UBA3: variants seen among roughly 807,000 people sequenced by gnomAD.
The protein encoded by UBA3 is ubiquitin like modifier activating enzyme 3, also known as NEDD8-activating enzyme E1 catalytic subunit.
Under a neutral mutation model 73.5 loss-of-function variants are expected in UBA3, and 26 were observed. That is an observed-to-expected ratio of 0.35 (90% CI 0.26 to 0.49). The LOEUF is 0.49. UBA3 is among the 20% of genes least tolerant of loss of function. The probability of loss-of-function intolerance (pLI) is 0.98; values close to 1 mark genes in which losing one functional copy is unlikely to be tolerated. For missense variants in UBA3, 495 were observed against 555.6 expected (o/e 0.89, Z 1.10); for synonymous variants, 217 against 191.2 (o/e 1.13, Z -1.11).
At chr3:69,068,475 G>C (rs2092092129) in intron 5 of UBA3, among the ~76,000 whole-genome samples, 1 of 143,002 alleles carries the variant, frequency 7.0e-6, no homozygotes, top group Non-Finnish European at 1.5e-5. Context: ...CAAATTTTGT[G>C]TCCCCTAAGA....
At chr3:69,061,284 C>T (rs1350489910) in intron 11 of UBA3, among the ~76,000 whole-genome samples, 1 of 152,248 alleles carries the variant, frequency 6.6e-6, no homozygotes, top group Non-Finnish European at 1.5e-5. Flanking sequence ...CAACCTCAGC[C>T]TCCTGGGTTC....
At chr3:69,075,287 G>GA (rs2092155677) in intron 4 of UBA3, 143 bp downstream of exon 4, 3 of 293,610 alleles carry the variant, frequency 1.0e-5, no homozygotes, top group Admixed American at 1.0e-4. Context: ...TTACTGTTTG[G>GA]AATTTGGCAT....
chr3:69,058,657 G>GT (rs1471079959), intron 11 of UBA3, among the ~76,000 whole-genome samples: 1 of 152,218 alleles, frequency 6.6e-6, no homozygotes, highest in African/African-American at 2.4e-5. Context: ...AGTGAAGCGT[G>GT]TAAGAGACAC....
At position 69,055,441 on chromosome 3, in the gene UBA3, G is replaced by A. The variant is rs752316340; in HGVS notation, c.1388C>T (p.Ser463Phe). 2 of 1,508,282 alleles carry A rather than the reference G, an allele frequency of 1.3e-6. No individual in the cohort carries two copies. Among genetic ancestry groups the A allele is most frequent in the Non-Finnish European group, 1.8e-6 (2 of 1,137,076 alleles). 93.4% of individuals were successfully genotyped at this position (1,508,282 alleles called of 1,614,324 possible). The change falls in exon 18 of 18, where the codon TCT (serine) becomes TTT (phenylalanine). Residue 463 changes from serine (S) to phenylalanine (F), a missense_variant. Physicochemically the swap from Ser to Phe is radical, Grantham distance 155. Coordinates refer to ENST00000361055, the MANE Select transcript of UBA3 (RefSeq NM_003968.4). ...QTVLFKLHFTS is the reference protein window; with the variant it reads ...QTVLFKLHFTF Reference sequence around the variant, plus strand: ...TCTATTATGTGGAGATTTTCCTTAAGAAGTAAAATGAAGTTTGAATAGTAC... The same window carrying A: ...TCTATTATGTGGAGATTTTCCTTAAAAAGTAAAATGAAGTTTGAATAGTAC...
chr3:69,062,237 C>T (rs2092027954), intron 9 of UBA3, 58 bp from the exon 10 acceptor site: 1 of 1,146,124 alleles, frequency 8.7e-7, no homozygotes, highest in African/African-American at 1.5e-5. Flanking sequence ...TAAAATGCAA[C>T]TTCCAGTTAT....
chr3:69,079,290 G>C (rs1277919997), intron 2 of UBA3, among the ~76,000 whole-genome samples: 1 of 152,220 alleles, frequency 6.6e-6, no homozygotes, highest in Non-Finnish European at 1.5e-5. Flanking sequence ...AAGTGGGAGG[G>C]AAATAAAAGG....
chr3:69,058,042 T>C (rs948983915), intron 11 of UBA3, among the ~76,000 whole-genome samples: 1 of 149,988 alleles, frequency 6.7e-6, no homozygotes, highest in Admixed American at 6.8e-5. Flanking sequence ...GCCATTCTCC[T>C]GCCTCAGCCT....
chr3:69,077,732 A>T, intron 3 of UBA3, 66 bp downstream of exon 3: 1 of 1,443,670 alleles, frequency 6.9e-7, no homozygotes, highest in Non-Finnish European at 9.2e-7. Context: ...ATTAAAAAAG[A>T]AGCATTCTAT....
At chr3:69,074,243 C>G (rs1423200600) in intron 4 of UBA3, among the ~76,000 whole-genome samples, 1 of 152,186 alleles carries the variant, frequency 6.6e-6, no homozygotes. Context: ...AATGCCCATC[C>G]TCCATAAACC....
Position 69,073,299 on chromosome 3 carries a change from T to A in UBA3, c.265-1682A>T, listed in dbSNP as rs927117663. Among the ~76,000 whole-genome samples the A allele has an allele frequency of 8.5e-5, 13 of 152,332 alleles. No homozygotes were observed. The East Asian group carries it at 2.1e-3, about 25-fold the overall frequency. ...ATGCTCCCCCAACCCACTTCTGCTC[T>A]AGCGATGATAGCCTCCTTGCAGTCC... On this transcript the variant is annotated intron_variant, in intron 4 of 17. Coordinates refer to ENST00000361055, the MANE Select transcript of UBA3 (RefSeq NM_003968.4).
At position 69,061,891 on chromosome 3, in the gene UBA3, A is replaced by T. The variant is rs747433457; in HGVS notation, c.833T>A (p.Ile278Lys). 13 of 1,611,444 alleles carry T rather than the reference A, an allele frequency of 8.1e-6. No homozygotes were observed. The East Asian group carries it at 2.7e-4, about 33-fold the overall frequency. ...VPLDGDDPEH[I>K]QWIFQKSLER... ...TAGGGATTTTTGGAAAATCCATTGT[A>T]TATGTTCAGGATCATCTCCATCTAA... is the stretch of plus-strand genomic sequence containing the variant. Residue 278 changes from isoleucine (I) to lysine (K), a missense_variant, in exon 11 of 18, where the codon ATA (isoleucine) becomes AAA (lysine). Physicochemically the swap from Ile to Lys is moderately radical, Grantham distance 102. Transcript: ENST00000361055.
intron 5 of UBA3, among the ~76,000 whole-genome samples, chr3:69,068,736 C>A (rs2092095640): frequency 6.6e-6 from 1 of 152,064 alleles, no homozygotes; most frequent in Non-Finnish European, 1.5e-5. Context: ...TGCCTGCCAC[C>A]ACAACCAGCT....
intron 11 of UBA3, among the ~76,000 whole-genome samples, chr3:69,057,794 TG>T (rs2091986379): frequency 6.6e-6 from 1 of 152,134 alleles, no homozygotes; most frequent in East Asian, 1.9e-4. Context: ...TAATTATTCC[TG>T]TAACAGCTTC....
chr3:69,080,234 G>A (rs968956833), intron 1 of UBA3, 81 bp from the exon 2 acceptor site: 7 of 1,514,042 alleles, frequency 4.6e-6, no homozygotes, highest in Admixed American at 1.9e-5. Flanking sequence ...GGGACGGGGC[G>A]GGGGGTGTGG....
intron 11 of UBA3, among the ~76,000 whole-genome samples, chr3:69,057,926 T>TTTC (rs2091988463): frequency 1.4e-5 from 2 of 143,094 alleles, no homozygotes; most frequent in African/African-American, 5.2e-5. Flanking sequence ...ACATTTTTCT[T>TTTC]TTTTTTTTTT....
chr3:69,062,037 T>G (rs1329059428), intron 10 of UBA3, 40 bp downstream of exon 10: 2 of 1,466,582 alleles, frequency 1.4e-6, no homozygotes, highest in African/African-American at 2.8e-5. Context: ...AAAAAATATG[T>G]ATTTTATGTA....
intron 14 of UBA3, 126 bp from the exon 15 acceptor site, chr3:69,056,409 C>T: frequency 1.1e-6 from 1 of 914,470 alleles, no homozygotes; most frequent in Non-Finnish European, 1.6e-6. Context: ...AATTTTTATG[C>T]TTTAAAGCCT....
Position 69,074,888 on chromosome 3 carries a change from T to C in UBA3, c.264+542A>G, listed in dbSNP as rs117846374. ...CTTATTAGGTCATAAAATGACCTAATGGTTCACTGAAAAAGAACACTTAAC... is the reference window on the plus strand; with the variant it reads ...CTTATTAGGTCATAAAATGACCTAACGGTTCACTGAAAAAGAACACTTAAC... On this transcript the variant is annotated intron_variant, in intron 4 of 17. Coordinates refer to ENST00000361055, the MANE Select transcript of UBA3 (RefSeq NM_003968.4). Among the ~76,000 whole-genome samples, 41 of 152,298 alleles carry C rather than the reference T, an allele frequency of 2.7e-4. No homozygotes were observed. In the East Asian group the frequency reaches 7.5e-3, roughly 28 times the overall value.
chr3:69,062,939 T>C (rs754331788), intron 9 of UBA3, 43 bp downstream of exon 9: 12 of 1,606,812 alleles, frequency 7.5e-6, no homozygotes, highest in Non-Finnish European at 9.4e-6. Context: ...CCTAATTCCA[T>C]GCCAAGATAC....
Sources: gnomAD v4.1 joint callset for allele counts (sites outside exome capture counted in the v4.1 genomes callset) on GRCh38, gnomAD v4.1.1 for gene constraint, MANE v1.5 for transcripts, NCBI Gene and HGNC (gene_info 2026-07-23, HGNC 2026-07-21) for gene names.